Variants in ANKRD30A observed in about 807,000 individuals in gnomAD.
ANKRD30A encodes ankyrin repeat domain-containing protein 30A.
ANKRD30A carries 170 observed loss-of-function variants against 166.3 expected under a neutral mutation model. The ratio of observed to expected loss-of-function variants is 1.02; its 90% CI spans 0.90 to 1.16. The LOEUF (loss-of-function observed/expected upper bound fraction) is 1.16. Among genes scored for constraint, ANKRD30A ranks in the 50% most tolerant of loss-of-function variants. The probability of loss-of-function intolerance (pLI) is 0.00; values close to 1 mark genes in which losing one functional copy is unlikely to be tolerated. For missense variants in ANKRD30A, 1,630 were observed against 1,518.0 expected (o/e 1.07, Z -1.23); for synonymous variants, 564 against 508.9 (o/e 1.11, Z -1.46).
intron 27 of ANKRD30A, among the ~76,000 whole-genome samples, chr10:37,194,819 C>G (rs1332837974): frequency 6.6e-6 from 1 of 152,072 alleles, no homozygotes; most frequent in African/African-American, 2.4e-5. Flanking sequence ...TCTTTTCTAG[C>G]CACTAAAAGT....
rs1306022318 is a variant in ANKRD30A at position 37,147,409 on chromosome 10, C to A, written c.1495C>A (p.Pro499Thr). 1 of 1,597,394 alleles carries A rather than the reference C, an allele frequency of 6.3e-7. No homozygotes were observed. The highest frequency in any genetic ancestry group is 8.5e-7 in the Non-Finnish European group (1 of 1,172,296). The change falls in exon 9 of 36, where the codon CCT (proline) becomes ACT (threonine). Residue 499 changes from proline to threonine, a missense_variant. Physicochemically the swap from Pro to Thr is conservative, Grantham distance 38 (BLOSUM62 -1). Transcript: ENST00000361713. The part of the protein sequence containing the change: ...ESSAKIQVCI[P>T]ESIYQKVMEI... The stretch of plus-strand genomic sequence containing the variant: ...TTCTGCAAAGATTCAAGTGTGTATA[C>A]CTGAGTCTATATATCAAAAAGTAAT...
At chr10:37,230,063 G>A (rs563453419) in intron 34 of ANKRD30A, among the ~76,000 whole-genome samples, 1 of 152,016 alleles carries the variant, frequency 6.6e-6, no homozygotes, top group East Asian at 1.9e-4. Context: ...ACTTAAGAGA[G>A]CATGATATTG....
At chr10:37,261,822 C>A in the ANKRD30A span, 1 of 152,674 alleles carries the variant, frequency 6.5e-6, no homozygotes, top group South Asian at 2.1e-4. Context: ...TGTGGCCATG[C>A]TCAGGATCTA....
chr10:37,211,444 C>T (rs1842309118), intron 31 of ANKRD30A, among the ~76,000 whole-genome samples: 1 of 152,058 alleles, frequency 6.6e-6, no homozygotes, highest in Admixed American at 6.6e-5. Flanking sequence ...TCATCCATGT[C>T]CCTACAAAGG....
At chr10:37,197,354 T>C in intron 28 of ANKRD30A, 45 bp downstream of exon 28, 1 of 1,612,998 alleles carries the variant, frequency 6.2e-7, no homozygotes, top group Non-Finnish European at 8.5e-7. Context: ...ATTAACTATG[T>C]ATTTTGTGAA....
intron 9 of ANKRD30A, 100 bp from the exon 10 acceptor site, chr10:37,149,551 A>T: frequency 7.1e-7 from 1 of 1,404,828 alleles, no homozygotes; most frequent in Non-Finnish European, 9.9e-7. Context: ...TCGTTCTCAA[A>T]GTCGACCAAG....
chr10:37,127,215 G>T (rs973665952), intron 1 of ANKRD30A, among the ~76,000 whole-genome samples: 3 of 151,962 alleles, frequency 2.0e-5, no homozygotes, highest in Non-Finnish European at 4.4e-5. Flanking sequence ...AGCAGGAAAA[G>T]AATTAGTTTC....
chr10:37,262,260 A>T, the ANKRD30A span, among the ~76,000 whole-genome samples: 1 of 152,174 alleles, frequency 6.6e-6, no homozygotes, highest in Non-Finnish European at 1.5e-5. Context: ...TCTACTATTT[A>T]TGAGAAGGTC....
intron 32 of ANKRD30A, 67 bp downstream of exon 32, chr10:37,216,461 G>A: frequency 7.0e-7 from 1 of 1,420,058 alleles, no homozygotes; most frequent in Non-Finnish European, 9.5e-7. Flanking sequence ...GATACTTTTT[G>A]TAATAGCTGA....
At chr10:37,222,602 C>T (rs951335309) in intron 34 of ANKRD30A, among the ~76,000 whole-genome samples, 2 of 151,178 alleles carry the variant, frequency 1.3e-5, no homozygotes, top group Admixed American at 1.3e-4. Flanking sequence ...ATTTTTATTT[C>T]TCTGCCACTG....
At chr10:37,244,462 T>A in the ANKRD30A span, among the ~76,000 whole-genome samples, 2 of 152,138 alleles carry the variant, frequency 1.3e-5, no homozygotes, top group Admixed American at 6.5e-5. Flanking sequence ...AGACCTCAGA[T>A]GAGATTTGTT....
At chr10:37,158,072 A>G (rs1376369543) in intron 13 of ANKRD30A, among the ~76,000 whole-genome samples, 3 of 152,142 alleles carry the variant, frequency 2.0e-5, no homozygotes, top group African/African-American at 4.8e-5. Flanking sequence ...CTTATTAAAT[A>G]CAACTTCTTT....
chr10:37,216,916 A>G (rs980414023), intron 32 of ANKRD30A, among the ~76,000 whole-genome samples: 4 of 151,192 alleles, frequency 2.6e-5, no homozygotes, highest in East Asian at 1.9e-4. Context: ...ATTTCTTTCA[A>G]TTATACACTT....
chr10:37,193,016 T>G, intron 25 of ANKRD30A, 48 bp from the exon 26 acceptor site: 1 of 1,592,946 alleles, frequency 6.3e-7, no homozygotes, highest in Non-Finnish European at 8.6e-7. Context: ...TTCGGTAGGC[T>G]TTGTCAAGCT....
At chr10:37,251,383 A>G in the ANKRD30A span, among the ~76,000 whole-genome samples, 1 of 152,156 alleles carries the variant, frequency 6.6e-6, no homozygotes, top group African/African-American at 2.4e-5. Flanking sequence ...GAAACATGGC[A>G]CCAATTCGAA....
Position 37,199,753 on chromosome 10 carries a change from CAAA to C in ANKRD30A, c.2745_2747del (p.Lys917del). 1 of 1,580,188 alleles carries C rather than the reference CAAA, an allele frequency of 6.3e-7. No individual in the cohort carries two copies. Among genetic ancestry groups the C allele is most frequent in the Admixed American group, 1.8e-5 (1 of 57,008 alleles). ...TCAGATGTTCCCTTCAGAATCAAAA[CAAA>C]AGAAGGTTGAAGAAAATTCTTGGGA... On this transcript the variant is annotated inframe_deletion, in exon 30 of 36. Coordinates refer to ENST00000361713, the MANE Select transcript of ANKRD30A (RefSeq NM_052997.3).
chr10:37,217,682 T>A lies in ANKRD30A; in HGVS notation c.3084-13T>A. On this transcript the variant is annotated splice_polypyrimidine_tract_variant and intron_variant, in intron 32 of 35. Transcript: ENST00000361713. Reference sequence around the variant, plus strand: ...AACAAAATGAATTTTAAGATAAGTATGTTTAATGGCAGATTGACTTTAAAC... The same window carrying A: ...AACAAAATGAATTTTAAGATAAGTAAGTTTAATGGCAGATTGACTTTAAAC... The A allele has an allele frequency of 1.3e-6, 2 of 1,509,914 alleles. No homozygotes were observed. Among genetic ancestry groups the A allele is most frequent in the Non-Finnish European group, 1.8e-6 (2 of 1,130,186 alleles). The allele number at this position is 1,509,914 out of a possible 1,614,324, so 93.5% of individuals were successfully genotyped here. A position where few individuals can be genotyped will look rare whatever the true frequency, so the allele number is the denominator to read the frequency against.
chr10:37,165,930 G>T (rs946828701), intron 18 of ANKRD30A, among the ~76,000 whole-genome samples: 1 of 152,042 alleles, frequency 6.6e-6, no homozygotes, highest in Non-Finnish European at 1.5e-5. Flanking sequence ...GATTTTATCT[G>T]ATATTTTATT....
At chr10:37,191,950 A>T (rs1457927784) in intron 25 of ANKRD30A, among the ~76,000 whole-genome samples, 4 of 152,098 alleles carry the variant, frequency 2.6e-5, no homozygotes, top group Non-Finnish European at 5.9e-5. Context: ...AGCCGATATT[A>T]CATTATTGTA....
Sources: gnomAD v4.1 joint callset for allele counts (sites outside exome capture counted in the v4.1 genomes callset) on GRCh38, gnomAD v4.1.1 for gene constraint, MANE v1.5 for transcripts, NCBI Gene and HGNC (gene_info 2026-07-23, HGNC 2026-07-21) for gene names.